PRCP: variants seen among roughly 807,000 people sequenced by gnomAD.
The protein encoded by PRCP is prolylcarboxypeptidase, also known as lysosomal Pro-X carboxypeptidase.
In PRCP, 46 loss-of-function variants were observed where a neutral mutation model predicts 54.2. That is an observed-to-expected ratio of 0.85 (90% CI 0.67 to 1.09). The LOEUF is 1.09. Among genes scored for constraint, PRCP ranks in the 50% least tolerant of loss-of-function variants. The probability of loss-of-function intolerance (pLI) is 0.00; values close to 1 mark genes in which losing one functional copy is unlikely to be tolerated. For missense variants in PRCP, 613 were observed against 596.8 expected (o/e 1.03, Z -0.28); for synonymous variants, 240 against 212.2 (o/e 1.13, Z -1.14).
Position 82,838,336 on chromosome 11 carries a change from T to C in PRCP, c.1274+51A>G, listed in dbSNP as rs779853489. 10 of 1,508,742 alleles carry C rather than the reference T, an allele frequency of 6.6e-6. No homozygotes were observed. The African/African-American group carries it at 1.3e-4, about 19-fold the overall frequency. 93.5% of individuals were successfully genotyped at this position (1,508,742 alleles called of 1,614,324 possible). On this transcript the variant is annotated intron_variant, in intron 8 of 8. Transcript: ENST00000313010. ...TCCCTGGTTCTGTTTTTTCAGATAT[T>C]CTACAAATGTTCCACCAACTGAAGT...
chr11:82,885,664 G>A (rs948163121), intron 1 of PRCP, among the ~76,000 whole-genome samples: 22 of 152,154 alleles, frequency 1.4e-4, no homozygotes, highest in African/African-American at 4.8e-4. Flanking sequence ...CTAAGAGCTG[G>A]TAGACTTTCA....
intron 1 of PRCP, among the ~76,000 whole-genome samples, chr11:82,865,237 G>A (rs1859303795): frequency 6.6e-6 from 1 of 152,098 alleles, no homozygotes; most frequent in Non-Finnish European, 1.5e-5. Context: ...AGAAAACCCA[G>A]ATCTTTATAC....
Position 82,860,114 on chromosome 11 carries a change from C to A in PRCP, c.172G>T (p.Asp58Tyr). Residue 58 changes from aspartate to tyrosine, a missense_variant, in exon 2 of 9, where the codon GAT (aspartate) becomes TAT (tyrosine). Asp to Tyr is a radical substitution (Grantham distance 160). Coordinates refer to ENST00000313010, the MANE Select transcript of PRCP (RefSeq NM_005040.4). ...YSVLYFQQKV[D>Y]HFGFNTVKTF... The stretch of plus-strand genomic sequence containing the variant: ...TTCACAGTATTAAATCCAAAATGAT[C>A]AACCTGTGATAAAAACAAAACAAAA... 6.7e-7 allele frequency: 1 copy of A among 1,502,086 alleles called. No individual in the cohort carries two copies. The highest frequency in any genetic ancestry group is 8.9e-7 in the Non-Finnish European group (1 of 1,117,872). 93.0% of individuals were successfully genotyped at this position (1,502,086 alleles called of 1,614,324 possible).
intron 1 of PRCP, 98 bp downstream of exon 1, chr11:82,900,137 G>A (rs1860228571): frequency 2.8e-6 from 4 of 1,439,188 alleles, no homozygotes; most frequent in Admixed American, 1.9e-5. Context: ...TAGGCATCAA[G>A]GGGTGTGAAT....
At chr11:82,882,354 T>A (rs977506171) in intron 1 of PRCP, among the ~76,000 whole-genome samples, 1 of 152,208 alleles carries the variant, frequency 6.6e-6, no homozygotes, top group Non-Finnish European at 1.5e-5. Flanking sequence ...AACATTAACA[T>A]TTGCTATAGA....
intron 3 of PRCP, 75 bp from the exon 4 acceptor site, chr11:82,850,580 G>A (rs1052819449): frequency 6.9e-6 from 8 of 1,159,692 alleles, no homozygotes; most frequent in Non-Finnish European, 8.0e-6. Flanking sequence ...GGATCCAGAA[G>A]AGAGCCAGTG....
intron 1 of PRCP, among the ~76,000 whole-genome samples, chr11:82,873,946 T>C (rs1859537553): frequency 6.6e-6 from 1 of 152,218 alleles, no homozygotes; most frequent in African/African-American, 2.4e-5. Context: ...CCAACTCAAA[T>C]TCGCAGTCCT....
intron 8 of PRCP, chr11:82,837,009 G>A (rs1858545440): frequency 4.6e-6 from 1 of 217,608 alleles, no homozygotes; most frequent in African/African-American, 2.4e-5. Flanking sequence ...TATGAACAGA[G>A]TAGTGCCTCA....
In PRCP at chr11:82,839,351, A is replaced by G. The variant is rs1371801697; in HGVS notation, c.996T>C (p.Asn332=). Residue 332 remains asparagine, a synonymous_variant, in exon 7 of 9, where the codon AAT becomes AAC. Transcript: ENST00000313010. ...CCTGGCCCGAATAATTGTAATATAC[A>G]TTCAGAGCTTGGAAAATATTCTGCA... ...LLLQNIFQAL[N]VYYNYSGQVK... The G allele has an allele frequency of 2.5e-6, 4 of 1,613,986 alleles. No individual in the cohort carries two copies. Among genetic ancestry groups the G allele is most frequent in the South Asian group, 2.2e-5 (2 of 91,060 alleles).
At chr11:82,898,704 CCTCCT>C (rs1183377872) in intron 1 of PRCP, among the ~76,000 whole-genome samples, 29 of 152,300 alleles carry the variant, frequency 1.9e-4, no homozygotes, top group African/African-American at 7.0e-4. Context: ...TTGTCCCAAC[CCTCCT>C]AATTTACAAA....
At chr11:82,841,669 T>A (rs1357040348) in intron 6 of PRCP, among the ~76,000 whole-genome samples, 2 of 152,184 alleles carry the variant, frequency 1.3e-5, no homozygotes, top group Non-Finnish European at 2.9e-5. Context: ...ATACCAGGGT[T>A]TAGGATGTAC....
chr11:82,879,164 G>A (rs1449867697), intron 1 of PRCP, among the ~76,000 whole-genome samples: 3 of 152,144 alleles, frequency 2.0e-5, no homozygotes, highest in African/African-American at 4.8e-5. Context: ...TCACTTTCAG[G>A]TACACCAATC....
chr11:82,847,434 T>G (rs1858834231), intron 6 of PRCP, among the ~76,000 whole-genome samples: 1 of 152,186 alleles, frequency 6.6e-6, no homozygotes, highest in Non-Finnish European at 1.5e-5. Flanking sequence ...GGATTATACC[T>G]CTTTTTCTAC....
chr11:82,841,502 C>T (rs1858670654), intron 6 of PRCP, among the ~76,000 whole-genome samples: 1 of 152,142 alleles, frequency 6.6e-6, no homozygotes, highest in Admixed American at 6.5e-5. Flanking sequence ...GAACCTTTAA[C>T]ATGCTCAAAT....
rs965775595 is a variant in PRCP, at chr11:82,826,519, A to T, written c.1275-1397T>A. The T allele has an allele frequency of 4.6e-5, 7 of 152,170 alleles. 1 individual carries two copies. The East Asian group carries it at 1.2e-3, about 25-fold the overall frequency. 9.4% of individuals were successfully genotyped at this position (152,170 alleles called of 1,614,324 possible). On this transcript the variant is annotated intron_variant, in intron 8 of 8. Coordinates refer to ENST00000313010, the MANE Select transcript of PRCP (RefSeq NM_005040.4). ...CTAGGATATATAGTAACAACCTATT[A>T]ATTAGCTACCAGACTACTTTCCAAA...
At chr11:82,835,488 A>C (rs1338621452) in intron 8 of PRCP, 2 of 243,500 alleles carry the variant, frequency 8.2e-6, no homozygotes, top group Non-Finnish European at 1.6e-5. Context: ...CCCATGTGCT[A>C]AGCCCACTTG....
chr11:82,899,819 G>A (rs1438126773), intron 1 of PRCP, among the ~76,000 whole-genome samples: 6 of 152,194 alleles, frequency 3.9e-5, no homozygotes, highest in Non-Finnish European at 8.8e-5. Context: ...TTTTCTAATA[G>A]GTAAAGATAT....
At chr11:82,882,973 C>T (rs930417903) in intron 1 of PRCP, among the ~76,000 whole-genome samples, 4 of 152,068 alleles carry the variant, frequency 2.6e-5, no homozygotes, top group African/African-American at 4.8e-5. Flanking sequence ...TTCCCACTGG[C>T]CAGTGTCTAT....
chr11:82,840,037 G>A (rs985288906), intron 6 of PRCP: 1 of 151,812 alleles, frequency 6.6e-6, no homozygotes, highest in African/African-American at 2.4e-5. Context: ...AATGTTTGCT[G>A]AATGAATTAC....
Sources: allele counts gnomAD v4.1 joint callset (sites outside exome capture counted in the v4.1 genomes callset), GRCh38; gene constraint gnomAD v4.1.1; transcripts MANE v1.5; gene names NCBI Gene and HGNC (gene_info 2026-07-23, HGNC 2026-07-21).